Variants in STK33 observed in about 807,000 individuals in gnomAD.
The protein encoded by STK33 is serine/threonine-protein kinase 33.
Under a neutral mutation model 58.0 loss-of-function variants are expected in STK33, and 52 were observed. The ratio of observed to expected loss-of-function variants is 0.90; its 90% confidence interval spans 0.72 to 1.13. The LOEUF is 1.13. STK33 is among the 50% of genes most tolerant of loss of function. STK33 has a pLI of 0.00. For synonymous variants in STK33, 215 were observed against 200.1 expected, an observed-to-expected ratio of 1.07 and a Z score of -0.63; for missense variants, 630 against 604.2, an observed-to-expected ratio of 1.04 and a Z score of -0.45.
chr11:8,448,830 A>C (rs1456891695), intron 11 of STK33, among the ~76,000 whole-genome samples: 2 of 152,204 alleles, frequency 1.3e-5, no homozygotes, highest in Non-Finnish European at 2.9e-5. Context: ...AGAAACTACC[A>C]TCAGAGTGCA....
At chr11:8,440,140 A>G (rs1944558206) in intron 12 of STK33, among the ~76,000 whole-genome samples, 1 of 152,012 alleles carries the variant, frequency 6.6e-6, no homozygotes, top group Non-Finnish European at 1.5e-5. Flanking sequence ...ATGGAGTTTG[A>G]CTGAATCTTG....
intron 1 of STK33, among the ~76,000 whole-genome samples, chr11:8,522,752 C>T (rs1032571018): frequency 1.3e-5 from 2 of 152,078 alleles, no homozygotes; most frequent in Non-Finnish European, 2.9e-5. Context: ...AAAGCCCTCC[C>T]TCTCCCTCTC....
intron 1 of STK33, among the ~76,000 whole-genome samples, chr11:8,496,869 C>T (rs1032529375): frequency 5.3e-5 from 8 of 152,012 alleles, no homozygotes; most frequent in Middle Eastern, 3.4e-3. Context: ...CCACTGCGCC[C>T]GGCTGATATT....
chr11:8,481,040 A>G (rs925484796), intron 1 of STK33, among the ~76,000 whole-genome samples: 4 of 152,180 alleles, frequency 2.6e-5, no homozygotes, highest in African/African-American at 9.7e-5. Context: ...GAGTACCGAG[A>G]GAGAGGAGCT....
chr11:8,496,779 T>C (rs551797980), intron 1 of STK33, among the ~76,000 whole-genome samples: 2 of 152,192 alleles, frequency 1.3e-5, no homozygotes, highest in Non-Finnish European at 2.9e-5. Flanking sequence ...TTTCACCGTG[T>C]TAGCCAGGAT....
the STK33 span, among the ~76,000 whole-genome samples, chr11:8,341,144 A>G: frequency 0.06 from 9,135 of 152,312 alleles, 427 homozygotes; most frequent in African/African-American, 0.13. Context: ...GGCGTGAGCC[A>G]CTGCACCCAG....
intron 8 of STK33, among the ~76,000 whole-genome samples, chr11:8,457,983 A>G (rs1456680942): frequency 6.6e-6 from 1 of 152,206 alleles, no homozygotes; most frequent in South Asian, 2.1e-4. Context: ...TGAGGCTAGA[A>G]AGAACAGGTT....
At chr11:8,578,635 T>C (rs1167462454) in intron 1 of STK33, among the ~76,000 whole-genome samples, 1 of 151,866 alleles carries the variant, frequency 6.6e-6, no homozygotes, top group African/African-American at 2.4e-5. Flanking sequence ...TCTGAAAGCA[T>C]ACTCAATTGT....
intron 1 of STK33, among the ~76,000 whole-genome samples, chr11:8,536,652 A>T (rs1955022428): frequency 6.6e-6 from 1 of 152,216 alleles, no homozygotes; most frequent in Non-Finnish European, 1.5e-5. Context: ...CCTAAATGCT[A>T]GTAAGTTTTT....
intron 14 of STK33, among the ~76,000 whole-genome samples, chr11:8,424,266 G>A (rs1020594676): frequency 6.6e-6 from 1 of 150,896 alleles, no homozygotes; most frequent in Admixed American, 6.7e-5. Context: ...GCGATAGTTT[G>A]CTGAGAATGA....
At chr11:8,419,511 A>C (rs761199089) in intron 14 of STK33, among the ~76,000 whole-genome samples, 2 of 152,182 alleles carry the variant, frequency 1.3e-5, no homozygotes, top group Admixed American at 6.5e-5. Flanking sequence ...GAAGTTGGGT[A>C]GCATGATGCC....
At chr11:8,382,074 T>A in the STK33 span, among the ~76,000 whole-genome samples, 2 of 151,908 alleles carry the variant, frequency 1.3e-5, no homozygotes, top group East Asian at 1.9e-4. Context: ...CACCCCCACA[T>A]CCTACGGCTT....
At chr11:8,354,922 C>T in the STK33 span, among the ~76,000 whole-genome samples, 1 of 152,336 alleles carries the variant, frequency 6.6e-6, no homozygotes, top group Non-Finnish European at 1.5e-5. Flanking sequence ...GACTTCATGC[C>T]GAGAGAGAAG....
chr11:8,478,588 T>C (rs1238817355), intron 2 of STK33, among the ~76,000 whole-genome samples: 1 of 152,188 alleles, frequency 6.6e-6, no homozygotes, highest in Non-Finnish European at 1.5e-5. Flanking sequence ...CTTACAGCAA[T>C]TTCCTCAAGA....
chr11:8,406,813 A>G (rs1939305082), intron 15 of STK33, among the ~76,000 whole-genome samples: 1 of 152,060 alleles, frequency 6.6e-6, no homozygotes, highest in Non-Finnish European at 1.5e-5. Context: ...TTTACAATAT[A>G]TATAATTTTA....
the STK33 span, among the ~76,000 whole-genome samples, chr11:8,372,460 A>C: frequency 6.6e-6 from 1 of 152,224 alleles, no homozygotes; most frequent in Non-Finnish European, 1.5e-5. Context: ...CTGGGGTCCA[A>C]CATGAACACC....
At chr11:8,415,163 C>T (rs1940935666) in intron 14 of STK33, among the ~76,000 whole-genome samples, 1 of 152,068 alleles carries the variant, frequency 6.6e-6, no homozygotes, top group Admixed American at 6.6e-5. Context: ...AATGCAAGTA[C>T]ATACAACTTT....
At chr11:8,552,704 C>T (rs1372383359) in intron 1 of STK33, among the ~76,000 whole-genome samples, 6 of 152,076 alleles carry the variant, frequency 3.9e-5, no homozygotes, top group Non-Finnish European at 5.9e-5. Context: ...CATTTTGTTC[C>T]TCTGGAAGGT....
the STK33 span, among the ~76,000 whole-genome samples, chr11:8,359,360 C>T: frequency 1.2e-4 from 19 of 152,200 alleles, no homozygotes; most frequent in Admixed American, 1.2e-3. Flanking sequence ...CACGTCATCA[C>T]CCTGTGTTTT....
Sources: allele counts gnomAD v4.1 joint callset (sites outside exome capture counted in the v4.1 genomes callset), GRCh38; gene constraint gnomAD v4.1.1; transcripts MANE v1.5; gene names NCBI Gene and HGNC (gene_info 2026-07-23, HGNC 2026-07-21).